The following RPTOR variants were observed in gnomAD, a reference collection of about 807,000 sequenced individuals.
RPTOR encodes regulatory-associated protein of mTOR.
RPTOR carries 21 observed loss-of-function variants against 169.9 expected under a neutral mutation model. That is an observed-to-expected ratio of 0.12 (90% CI 0.09 to 0.18). The LOEUF (loss-of-function observed/expected upper bound fraction) is 0.18, where lower values mean the gene tolerates loss of function less well. RPTOR is among the 10% of genes least tolerant of loss of function. The pLI, the probability that RPTOR is intolerant of heterozygous loss-of-function variation, is 1.00. For synonymous variants in RPTOR, 732 were observed against 753.2 expected (o/e 0.97, Z 0.46); for missense variants, 1,133 against 1,855.9 (o/e 0.61, Z 7.16).
chr17:80,940,213 A>T lies in RPTOR; in HGVS notation c.2920-283A>T, dbSNP rs74001131. On this transcript the variant is annotated intron_variant, in intron 24 of 33. Transcript: ENST00000306801. The stretch of plus-strand genomic sequence containing the variant: ...AAATGTAAATAACAAAAATAAATTT[A>T]AAATAACAATACAACAAGAAACAAT... 5.3e-3 allele frequency among the ~76,000 whole-genome samples: 806 copies of T among 152,386 alleles called. 13 individuals are homozygous for T. Among genetic ancestry groups the T allele is most frequent in the African/African-American group, 0.019 (780 of 41,584 alleles).
At chr17:80,737,399 T>C (rs2143233939) in intron 5 of RPTOR, among the ~76,000 whole-genome samples, 1 of 152,324 alleles carries the variant, frequency 6.6e-6, no homozygotes, top group East Asian at 1.9e-4. Context: ...AGTAACTCTC[T>C]TTAGAGGAAA....
chr17:80,769,920 C>T (rs924691533), intron 6 of RPTOR, among the ~76,000 whole-genome samples: 2 of 140,204 alleles, frequency 1.4e-5, no homozygotes, highest in African/African-American at 5.5e-5. Context: ...TGCTGTGCAG[C>T]TGCAGGGCTG....
chr17:80,628,338 C>T (rs1316486567), intron 2 of RPTOR, among the ~76,000 whole-genome samples: 1 of 152,108 alleles, frequency 6.6e-6, no homozygotes, highest in African/African-American at 2.4e-5. Context: ...CAGTGCTGGT[C>T]TGTAGGCATT....
chr17:80,666,499 C>T (rs921637705), intron 3 of RPTOR, among the ~76,000 whole-genome samples: 1 of 151,860 alleles, frequency 6.6e-6, no homozygotes, highest in African/African-American at 2.4e-5. Context: ...AGGAAGGGCG[C>T]AAGGATGAAA....
intron 1 of RPTOR, among the ~76,000 whole-genome samples, chr17:80,573,434 C>T (rs1220728201): frequency 6.6e-6 from 1 of 151,974 alleles, no homozygotes; most frequent in Non-Finnish European, 1.5e-5. Context: ...CTTTAATTTC[C>T]CTGAATTAAG....
At chr17:80,859,275 G>C (rs77207013) in intron 13 of RPTOR, among the ~76,000 whole-genome samples, 2 of 152,236 alleles carry the variant, frequency 1.3e-5, no homozygotes, top group African/African-American at 4.8e-5. Flanking sequence ...AAAGCTCCTC[G>C]TGTGACACAG....
At position 80,964,400 on chromosome 17, in the gene RPTOR, C is replaced by T. The variant is rs540495165; in HGVS notation, c.*70C>T. The T allele has an allele frequency of 6.4e-5, 97 of 1,505,668 alleles. No homozygotes were observed. In the Middle Eastern group the frequency reaches 8.5e-4, roughly 13 times the overall value. 93.3% of individuals were successfully genotyped at this position (1,505,668 alleles called of 1,614,324 possible). ...AGTGAAGCTGTCACTCGCCGGGGCA[C>T]GGGGCGTCGGCTGCTGCGGCCCCGC... On this transcript the variant is annotated 3_prime_UTR_variant, in exon 34 of 34. Transcript: ENST00000306801.
At chr17:80,557,890 C>T (rs1359546905) in intron 1 of RPTOR, among the ~76,000 whole-genome samples, 2 of 152,162 alleles carry the variant, frequency 1.3e-5, no homozygotes, top group Non-Finnish European at 1.5e-5. Flanking sequence ...CGTGCCACTG[C>T]ACTCCAGCCT....
At chr17:80,885,740 A>G (rs1229132008) in intron 17 of RPTOR, among the ~76,000 whole-genome samples, 1 of 152,086 alleles carries the variant, frequency 6.6e-6, no homozygotes, top group African/African-American at 2.4e-5. Context: ...ATGGGGTTTC[A>G]CTGTGTTAGC....
At chr17:80,935,184 A>G (rs765643560) in intron 24 of RPTOR, among the ~76,000 whole-genome samples, 15 of 152,214 alleles carry the variant, frequency 9.9e-5, no homozygotes, top group Non-Finnish European at 1.5e-4. Flanking sequence ...ATTCTGAAAA[A>G]TATAAAACAC....
intron 2 of RPTOR, among the ~76,000 whole-genome samples, chr17:80,641,507 A>T (rs1243994107): frequency 7.9e-5 from 12 of 152,232 alleles, no homozygotes; most frequent in African/African-American, 2.4e-4. Flanking sequence ...CTAAAAAAAT[A>T]ATAATTAAAT....
At chr17:80,680,403 AG>A (rs1178213142) in intron 3 of RPTOR, among the ~76,000 whole-genome samples, 1 of 152,208 alleles carries the variant, frequency 6.6e-6, no homozygotes, top group African/African-American at 2.4e-5. Flanking sequence ...TGGGAGGCCC[AG>A]GTAGGTGGAT....
At chr17:80,779,837 C>A (rs2066923275) in intron 6 of RPTOR, among the ~76,000 whole-genome samples, 1 of 152,222 alleles carries the variant, frequency 6.6e-6, no homozygotes, top group Non-Finnish European at 1.5e-5. Flanking sequence ...TTTCCAAGTT[C>A]ATTGGAAAAT....
chr17:80,880,120 G>A (rs1039842000), intron 13 of RPTOR, among the ~76,000 whole-genome samples: 4 of 152,168 alleles, frequency 2.6e-5, no homozygotes, highest in Non-Finnish European at 5.9e-5. Context: ...GGAGAGGAGC[G>A]GGGTGCAGGC....
At chr17:80,955,092 C>T (rs2069231786) in intron 28 of RPTOR, among the ~76,000 whole-genome samples, 1 of 152,162 alleles carries the variant, frequency 6.6e-6, no homozygotes, top group African/African-American at 2.4e-5. Context: ...GATGAAAAGA[C>T]TCATCATTGT....
At chr17:80,898,706 G>A (rs1270725921) in intron 20 of RPTOR, among the ~76,000 whole-genome samples, 2 of 73,368 alleles carry the variant, frequency 2.7e-5, no homozygotes, top group Non-Finnish European at 2.7e-5. Flanking sequence ...CCCCCGCCCC[G>A]GCTCCCCCCG....
chr17:80,572,887 C>T (rs1051503698), intron 1 of RPTOR, among the ~76,000 whole-genome samples: 3 of 152,148 alleles, frequency 2.0e-5, no homozygotes, highest in African/African-American at 7.2e-5. Flanking sequence ...TTTAGGAACT[C>T]TCTTTCTCCC....
At chr17:80,744,297 A>G (rs143665852) in intron 5 of RPTOR, among the ~76,000 whole-genome samples, 9 of 70,388 alleles carry the variant, frequency 1.3e-4, no homozygotes, top group East Asian at 5.8e-4. Flanking sequence ...TGTCCTGGCT[A>G]CTAGCACAGC....
chr17:80,679,407 C>T (rs1213306597), intron 3 of RPTOR, among the ~76,000 whole-genome samples: 1 of 152,230 alleles, frequency 6.6e-6, no homozygotes, highest in South Asian at 2.1e-4. Context: ...CTCCTCATTC[C>T]TCACCTCGTA....
Sources: gnomAD v4.1 joint callset for allele counts (sites outside exome capture counted in the v4.1 genomes callset) on GRCh38, gnomAD v4.1.1 for gene constraint, MANE v1.5 for transcripts, NCBI Gene and HGNC (gene_info 2026-07-23, HGNC 2026-07-21) for gene names.